Variants in CKMT2 observed in about 807,000 individuals in gnomAD.
CKMT2 encodes the protein creatine kinase S-type, mitochondrial.
Under a neutral mutation model 48.9 loss-of-function variants are expected in CKMT2, and 43 were observed. The ratio of observed to expected loss-of-function variants is 0.88; its 90% confidence interval spans 0.69 to 1.13. CKMT2 has a LOEUF of 1.13. Ranked by LOEUF, CKMT2 falls within the 50% of genes most tolerant of loss-of-function variation. The pLI is 0.00. For synonymous variants in CKMT2, 206 were observed against 213.0 expected, an observed-to-expected ratio of 0.97 and a Z score of 0.29; for missense variants, 472 against 555.4, an observed-to-expected ratio of 0.85 and a Z score of 1.51.
Position 81,233,348 on chromosome 5 carries a change from C to A in CKMT2, c.-50C>A. On this transcript the variant is annotated 5_prime_UTR_variant, in exon 1 of 10. Coordinates refer to ENST00000254035, the MANE Select transcript of CKMT2 (RefSeq NM_001099735.2). Reference sequence around the variant, plus strand: ...CATACACTTCTTGGCTGTGTGCGCTCAGCAGGACGTGGGAGGCTCCGGCTT... The same window carrying A: ...CATACACTTCTTGGCTGTGTGCGCTAAGCAGGACGTGGGAGGCTCCGGCTT... 3.0e-6 allele frequency: 3 copies of A among 985,744 alleles called. No individual in the cohort carries two copies. The South Asian group carries it at 1.4e-4, about 46-fold the overall frequency. The allele number at this position is 985,744 out of a possible 1,614,324, so 61.1% of individuals were successfully genotyped here.
chr5:81,266,165 T>A lies in CKMT2; in HGVS notation c.1167T>A (p.Asp389Glu). The A allele has an allele frequency of 2.5e-6, 4 of 1,612,800 alleles. 1 individual carries two copies. Among genetic ancestry groups the A allele is most frequent in the Non-Finnish European group, 1.7e-6 (2 of 1,178,842 alleles). ...SEVELVQIVI[D>E]GVNYLVDCEK... The stretch of plus-strand genomic sequence containing the variant: ...TTGAGCTTGTTCAGATAGTCATCGA[T>A]GGAGTCAATTACCTGGTGGATTGTG... Residue 389 changes from aspartate (D) to glutamate (E), a missense_variant, in exon 10 of 10, where the codon GAT becomes GAA. Asp to Glu is a conservative substitution (Grantham distance 45). Coordinates refer to ENST00000254035, the MANE Select transcript of CKMT2 (RefSeq NM_001099735.2).
rs562637382 is a variant in CKMT2, at chr5:81,251,324, C to T, written c.152+40C>T. The T allele has an allele frequency of 6.4e-5, 103 of 1,604,492 alleles. No individual in the cohort carries two copies. The African/African-American group carries it at 1.1e-3, about 17-fold the overall frequency. The stretch of plus-strand genomic sequence containing the variant: ...CTTTAAAATAACCTCAGGCCAGGCA[C>T]GGTGGCTCATGCATGTAATCCCAGC... On this transcript the variant is annotated intron_variant, in intron 2 of 9. Transcript: ENST00000254035.
intron 1 of CKMT2, among the ~76,000 whole-genome samples, 173 bp from the exon 2 acceptor site, chr5:81,250,940 A>AAAACACACACACACACACACAC (rs373408385): frequency 2.3e-4 from 30 of 133,078 alleles, no homozygotes; most frequent in African/African-American, 8.7e-4. Context: ...AGAAATAGAA[A>AAAACACACACACACACACACAC]ACACACACAC....
intron 1 of CKMT2, among the ~76,000 whole-genome samples, chr5:81,241,173 G>A (rs1389904047): frequency 6.6e-6 from 1 of 152,140 alleles, no homozygotes; most frequent in Non-Finnish European, 1.5e-5. Context: ...CCCAGTGATT[G>A]TCCACCCGAC....
At position 81,237,140 on chromosome 5, in the gene CKMT2, C is replaced by T. The variant is rs1047429216; in HGVS notation, c.-21+3763C>T. ...CTCCAGCCTGGGTGACAGAGCGAGA[C>T]TCTTTCTCAAATTAAATGAAACATT... On this transcript the variant is annotated intron_variant, in intron 1 of 9. Coordinates refer to ENST00000254035, the MANE Select transcript of CKMT2 (RefSeq NM_001099735.2). Among the ~76,000 whole-genome samples, 4 of 152,290 alleles carry T rather than the reference C, an allele frequency of 2.6e-5. No individual in the cohort carries two copies. The South Asian group carries it at 8.3e-4, about 32-fold the overall frequency.
At chr5:81,253,004 A>C in intron 3 of CKMT2, 111 bp downstream of exon 3, 1 of 1,186,306 alleles carries the variant, frequency 8.4e-7, no homozygotes, top group Non-Finnish European at 1.2e-6. Flanking sequence ...CTGCCTTCTC[A>C]GGAAGGGCTC....
At chr5:81,256,410 A>G (rs1757011970) in intron 5 of CKMT2, among the ~76,000 whole-genome samples, 1 of 152,244 alleles carries the variant, frequency 6.6e-6, no homozygotes, top group South Asian at 2.1e-4. Context: ...TGTAATCTAG[A>G]GCCTGGCACA....
At chr5:81,265,921 G>C (rs537228734) in intron 9 of CKMT2, among the ~76,000 whole-genome samples, 72 of 152,146 alleles carry the variant, frequency 4.7e-4, no homozygotes, top group Non-Finnish European at 2.6e-4. Flanking sequence ...TTTTCACATA[G>C]TAAAAAAGCT....
chr5:81,253,013 T>C, intron 3 of CKMT2, 120 bp downstream of exon 3: 1 of 1,095,440 alleles, frequency 9.1e-7, no homozygotes, highest in Non-Finnish European at 1.4e-6. Context: ...CAGGAAGGGC[T>C]CTCATAAAGG....
intron 1 of CKMT2, among the ~76,000 whole-genome samples, chr5:81,245,944 C>A (rs994804979): frequency 6.6e-6 from 1 of 152,158 alleles, no homozygotes; most frequent in Non-Finnish European, 1.5e-5. Context: ...CCCTGGTTTT[C>A]CCTTATCTTT....
chr5:81,240,142 C>T (rs1010938736), intron 1 of CKMT2, among the ~76,000 whole-genome samples: 4 of 152,106 alleles, frequency 2.6e-5, no homozygotes, highest in African/African-American at 9.7e-5. Flanking sequence ...ACCCGCTGAC[C>T]GCCTGGAAGC....
chr5:81,249,616 A>G (rs1217032317), intron 1 of CKMT2, among the ~76,000 whole-genome samples: 1 of 151,618 alleles, frequency 6.6e-6, no homozygotes, highest in African/African-American at 2.4e-5. Context: ...ACAAATAAAT[A>G]TATAAATACT....
chr5:81,257,988 C>T, intron 7 of CKMT2, 132 bp downstream of exon 7: 2 of 802,142 alleles, frequency 2.5e-6, no homozygotes. Context: ...CAACTGCCGC[C>T]TCCCAGGTTC....
chr5:81,261,358 A>G (rs1757217218), intron 8 of CKMT2, among the ~76,000 whole-genome samples: 2 of 152,236 alleles, frequency 1.3e-5, no homozygotes, highest in African/African-American at 2.4e-5. Context: ...GGCCAGGGCA[A>G]TCAGGCAAGA....
intron 1 of CKMT2, among the ~76,000 whole-genome samples, chr5:81,244,380 A>G (rs1165904232): frequency 1.3e-5 from 2 of 152,200 alleles, no homozygotes; most frequent in Admixed American, 6.5e-5. Flanking sequence ...GCAGTTCGAC[A>G]GTCTGATGAT....
chr5:81,258,469 C>A (rs1757092887), intron 7 of CKMT2, among the ~76,000 whole-genome samples: 1 of 152,158 alleles, frequency 6.6e-6, no homozygotes, highest in Non-Finnish European at 1.5e-5. Flanking sequence ...TTCCTGTATT[C>A]TCCTACTCTC....
In CKMT2 at chr5:81,251,302, T is replaced by G; in HGVS notation, c.152+18T>G. The G allele has an allele frequency of 6.2e-7, 1 of 1,612,654 alleles. No individual in the cohort carries two copies. The highest frequency in any genetic ancestry group is 8.5e-7 in the Non-Finnish European group (1 of 1,179,514). On this transcript the variant is annotated intron_variant, in intron 2 of 9. Coordinates refer to ENST00000254035, the MANE Select transcript of CKMT2 (RefSeq NM_001099735.2). ...CCTCCAAGGTAAGGGCTCCTGACTT[T>G]AAAATAACCTCAGGCCAGGCACGGT...
chr5:81,245,881 A>C (rs1198837865), intron 1 of CKMT2, among the ~76,000 whole-genome samples: 3 of 152,116 alleles, frequency 2.0e-5, no homozygotes, highest in Non-Finnish European at 4.4e-5. Flanking sequence ...AGTGGGCCCC[A>C]ACACCTAACG....
At position 81,263,580 on chromosome 5, in the gene CKMT2, C is replaced by T. The variant is rs150638385; in HGVS notation, c.1104C>T (p.Tyr368=). ...GVDTAAVADV[Y]DISNIDRIGR... ...ACACTGCCGCGGTCGCAGATGTGTA[C>T]GACATTTCCAACATAGATAGAATTG... is the stretch of plus-strand genomic sequence containing the variant. Residue 368 remains tyrosine (Y), a synonymous_variant, in exon 9 of 10, where the codon TAC becomes TAT. Coordinates refer to ENST00000254035, the MANE Select transcript of CKMT2 (RefSeq NM_001099735.2). 1.1e-4 allele frequency: 171 copies of T among 1,612,308 alleles called. No individual in the cohort carries two copies. Among genetic ancestry groups the T allele is most frequent in the African/African-American group, 7.2e-4 (54 of 74,940 alleles).
Sources: gnomAD v4.1 joint callset for allele counts (sites outside exome capture counted in the v4.1 genomes callset) on GRCh38, gnomAD v4.1.1 for gene constraint, MANE v1.5 for transcripts, NCBI Gene and HGNC (gene_info 2026-07-23, HGNC 2026-07-21) for gene names.